Variants in ADAMTSL1 observed in about 807,000 individuals in gnomAD.
The protein encoded by ADAMTSL1 is ADAMTS-like protein 1.
A neutral mutation model predicts 201.8 loss-of-function variants in ADAMTSL1; 126 were observed. The ratio of observed to expected loss-of-function variants is 0.62; its 90% CI spans 0.54 to 0.72. The LOEUF is 0.72. Ranked by LOEUF, ADAMTSL1 falls within the 30% of genes least tolerant of loss-of-function variation. ADAMTSL1 has a pLI of 0.00. For synonymous variants in ADAMTSL1, 1,121 were observed against 903.4 expected (o/e 1.24, Z -4.32); for missense variants, 2,679 against 2,277.8 (o/e 1.18, Z -3.59).
chr9:18,899,797 G>A (rs1829895893), intron 26 of ADAMTSL1, among the ~76,000 whole-genome samples: 1 of 152,130 alleles, frequency 6.6e-6, no homozygotes, highest in Non-Finnish European at 1.5e-5. Flanking sequence ...ACTCAAGATG[G>A]ATTAAAGACT....
intron 2 of ADAMTSL1, among the ~76,000 whole-genome samples, chr9:18,441,411 T>A (rs547260265): frequency 6.6e-6 from 1 of 152,180 alleles, no homozygotes. Context: ...GAGGTTTGTG[T>A]GGGCTGGTAA....
intron 3 of ADAMTSL1, among the ~76,000 whole-genome samples, chr9:18,571,227 G>A (rs911778024): frequency 2.6e-5 from 4 of 152,128 alleles, no homozygotes; most frequent in Non-Finnish European, 5.9e-5. Context: ...AATTGGAAAC[G>A]TGCAGAAAAT....
intron 1 of ADAMTSL1, among the ~76,000 whole-genome samples, chr9:18,485,195 A>C (rs1821927123): frequency 6.6e-6 from 1 of 152,186 alleles, no homozygotes; most frequent in South Asian, 2.1e-4. Flanking sequence ...ATTCGAACCG[A>C]GGCAGAGTTC....
chr9:18,773,202 C>A (rs2133732241), intron 17 of ADAMTSL1, among the ~76,000 whole-genome samples: 1 of 152,232 alleles, frequency 6.6e-6, no homozygotes, highest in African/African-American at 2.4e-5. Flanking sequence ...ATGGTTACTG[C>A]ACAGAATCCC....
intron 2 of ADAMTSL1, among the ~76,000 whole-genome samples, chr9:18,302,564 G>T (rs1563871566): frequency 6.6e-6 from 1 of 152,136 alleles, no homozygotes; most frequent in East Asian, 1.9e-4. Context: ...ATGCTCTGGT[G>T]CCAAACAGTG....
intron 4 of ADAMTSL1, among the ~76,000 whole-genome samples, chr9:18,618,087 C>T (rs1317164580): frequency 6.6e-6 from 1 of 152,162 alleles, no homozygotes; most frequent in Non-Finnish European, 1.5e-5. Flanking sequence ...TAATAATTAA[C>T]ATCGGTGTAC....
At chr9:18,384,980 T>C (rs1837728851) in intron 2 of ADAMTSL1, among the ~76,000 whole-genome samples, 1 of 152,158 alleles carries the variant, frequency 6.6e-6, no homozygotes, top group Non-Finnish European at 1.5e-5. Context: ...TCTTCCAATA[T>C]TTTGTGTCCA....
Position 18,906,788 on chromosome 9 carries a change from C to G in ADAMTSL1, c.5058C>G (p.Gly1686=). 6.2e-7 allele frequency: 1 copy of G among 1,614,040 alleles called. No individual in the cohort carries two copies. The change falls in exon 28 of 29, where the codon GGC becomes GGG. Residue 1686 remains glycine (G), a synonymous_variant. Transcript: ENST00000380548. ...GCACAGCTACCTGTGGCAACTACGG[C>G]TTCCAGTCCCGGCGTGTGGAGTGTG... ...TLCTATCGNY[G]FQSRRVECVH...
intron 2 of ADAMTSL1, among the ~76,000 whole-genome samples, chr9:18,522,312 A>G (rs1818747436): frequency 6.6e-6 from 1 of 152,184 alleles, no homozygotes; most frequent in Non-Finnish European, 1.5e-5. Flanking sequence ...ATTATTTAAA[A>G]TAATAATAAC....
intron 2 of ADAMTSL1, among the ~76,000 whole-genome samples, chr9:18,213,215 A>G (rs1218263144): frequency 6.6e-6 from 1 of 152,120 alleles, no homozygotes; most frequent in African/African-American, 2.4e-5. Flanking sequence ...ACCTGATTGG[A>G]TGGTACACTA....
At position 18,327,399 on chromosome 9, in the gene ADAMTSL1, T is replaced by C. The variant is rs1180397394; in HGVS notation, c.207+163418T>C. 3.3e-5 allele frequency among the ~76,000 whole-genome samples: 5 copies of C among 152,236 alleles called. No individual in the cohort carries two copies. The East Asian group carries it at 9.6e-4, about 29-fold the overall frequency. ...GCCCTATGGGCATACTTTCTCTTTA[T>C]TTTGGGGTATTTAGAAGCTGACCTT... is the stretch of plus-strand genomic sequence containing the variant. On this transcript the variant is annotated intron_variant, in intron 2 of 29. Coordinates refer to the ADAMTSL1 transcript ENST00000680146.
At chr9:18,785,175 A>AG (rs397719576) in intron 19 of ADAMTSL1, among the ~76,000 whole-genome samples, 2 of 151,478 alleles carry the variant, frequency 1.3e-5, no homozygotes, top group African/African-American at 2.4e-5. Context: ...AAAAAAAAAA[A>AG]CTTAATGGAG....
At chr9:18,655,042 A>G (rs1488540471) in intron 7 of ADAMTSL1, among the ~76,000 whole-genome samples, 1 of 152,222 alleles carries the variant, frequency 6.6e-6, no homozygotes. Context: ...TTGCTGGCCC[A>G]TCTGAGGCAC....
chr9:18,571,340 A>G (rs1375898853), intron 3 of ADAMTSL1, among the ~76,000 whole-genome samples: 2 of 152,192 alleles, frequency 1.3e-5, no homozygotes, highest in South Asian at 2.1e-4. Flanking sequence ...GTATAGAAAA[A>G]GGAGGCAAAG....
chr9:18,020,441 C>G (rs573913975), intron 1 of ADAMTSL1, among the ~76,000 whole-genome samples: 1 of 152,160 alleles, frequency 6.6e-6, no homozygotes, highest in South Asian at 2.1e-4. Flanking sequence ...GGGGGAAGCT[C>G]TGTGTAGAGG....
chr9:18,851,992 C>T (rs1048140879), intron 23 of ADAMTSL1, among the ~76,000 whole-genome samples: 7 of 152,204 alleles, frequency 4.6e-5, no homozygotes, highest in Non-Finnish European at 8.8e-5. Flanking sequence ...TTTAGAGAGA[C>T]AGTTTAACCA....
At chr9:18,873,116 T>C (rs1456104553) in intron 23 of ADAMTSL1, among the ~76,000 whole-genome samples, 1 of 152,226 alleles carries the variant, frequency 6.6e-6, no homozygotes, top group African/African-American at 2.4e-5. Flanking sequence ...CATTTGTGTA[T>C]CTTCTTTTGA....
chr9:18,688,214 C>G (rs1830961426), intron 13 of ADAMTSL1, among the ~76,000 whole-genome samples: 1 of 151,758 alleles, frequency 6.6e-6, no homozygotes, highest in South Asian at 2.1e-4. Flanking sequence ...ATCTCTACCT[C>G]CTGGGTTCAA....
At chr9:18,263,992 C>T (rs1832026594) in intron 2 of ADAMTSL1, among the ~76,000 whole-genome samples, 1 of 152,298 alleles carries the variant, frequency 6.6e-6, no homozygotes, top group Non-Finnish European at 1.5e-5. Flanking sequence ...AAGACAGTTC[C>T]TGGACATTTT....
Sources: gnomAD v4.1 joint callset for allele counts (sites outside exome capture counted in the v4.1 genomes callset) on GRCh38, gnomAD v4.1.1 for gene constraint, MANE v1.5 for transcripts, NCBI Gene and HGNC (gene_info 2026-07-23, HGNC 2026-07-21) for gene names.